Variants in TNIK observed in about 807,000 individuals in gnomAD.
TNIK encodes TRAF2 and NCK-interacting protein kinase.
A neutral mutation model predicts 191.3 loss-of-function variants in TNIK; 49 were observed. That is an observed-to-expected ratio of 0.26 (90% CI 0.20 to 0.32). The LOEUF (loss-of-function observed/expected upper bound fraction) is 0.32, where lower values mean the gene tolerates loss of function less well. TNIK is among the 10% of genes least tolerant of loss of function. The probability of loss-of-function intolerance (pLI) is 1.00; values close to 1 mark genes in which losing one functional copy is unlikely to be tolerated. For synonymous variants in TNIK, 594 were observed against 600.9 expected (o/e 0.99, Z 0.17); for missense variants, 1,155 against 1,702.3 (o/e 0.68, Z 5.66).
At chr3:171,258,780 T>G (rs1056947244) in intron 2 of TNIK, among the ~76,000 whole-genome samples, 1 of 152,156 alleles carries the variant, frequency 6.6e-6, no homozygotes, top group East Asian at 1.9e-4. Context: ...TCTAAGAAAC[T>G]CTGGAAGTGG....
At chr3:171,376,231 A>G (rs116409831) in intron 1 of TNIK, among the ~76,000 whole-genome samples, 1 of 152,302 alleles carries the variant, frequency 6.6e-6, no homozygotes, top group East Asian at 1.9e-4. Flanking sequence ...TTTCAACATC[A>G]TCTTCGAAAG....
chr3:171,157,207 A>G (rs1025810570), intron 12 of TNIK, among the ~76,000 whole-genome samples: 3 of 152,198 alleles, frequency 2.0e-5, no homozygotes, highest in African/African-American at 7.2e-5. Context: ...AGGTGCTGAG[A>G]AGGTGATATA....
intron 1 of TNIK, among the ~76,000 whole-genome samples, chr3:171,414,013 C>A (rs1357029379): frequency 6.6e-6 from 1 of 152,190 alleles, no homozygotes; most frequent in Non-Finnish European, 1.5e-5. Flanking sequence ...TCCCCCACAG[C>A]ACCAGCTATC....
At chr3:171,152,776 GTTTTTTT>G (rs11346783) in intron 12 of TNIK, among the ~76,000 whole-genome samples, 5 of 139,812 alleles carry the variant, frequency 3.6e-5, no homozygotes, top group Non-Finnish European at 7.8e-5. Flanking sequence ...TTTGTTTTTT[GTTTTTTT>G]TTTTTTGAGA....
chr3:171,212,684 CCT>C (rs1740982269), intron 3 of TNIK, among the ~76,000 whole-genome samples: 1 of 152,106 alleles, frequency 6.6e-6, no homozygotes, highest in Non-Finnish European at 1.5e-5. Flanking sequence ...AGGAATCCTC[CCT>C]GTTTTGTTCT....
chr3:171,074,394 C>G (rs1216067720), intron 28 of TNIK, among the ~76,000 whole-genome samples: 1 of 152,042 alleles, frequency 6.6e-6, no homozygotes, highest in Non-Finnish European at 1.5e-5. Context: ...TGAAAATTTA[C>G]CTGTTGCGTA....
intron 32 of TNIK, among the ~76,000 whole-genome samples, chr3:171,064,596 C>G (rs1039065550): frequency 6.6e-6 from 1 of 152,164 alleles, no homozygotes; most frequent in Non-Finnish European, 1.5e-5. Context: ...CAAATGAGAT[C>G]ATAGCATTAA....
chr3:171,412,065 C>A (rs970257180), intron 1 of TNIK, among the ~76,000 whole-genome samples: 1 of 152,190 alleles, frequency 6.6e-6, no homozygotes, highest in Non-Finnish European at 1.5e-5. Flanking sequence ...TTCAAACCAT[C>A]CTACTTGAGT....
chr3:171,117,927 G>A (rs1236650603), intron 18 of TNIK, among the ~76,000 whole-genome samples: 5 of 151,982 alleles, frequency 3.3e-5, no homozygotes, highest in Admixed American at 6.6e-5. Context: ...CCACGATCGC[G>A]CCACTGCACT....
chr3:171,234,131 A>G (rs1743987657), intron 2 of TNIK, among the ~76,000 whole-genome samples: 1 of 152,326 alleles, frequency 6.6e-6, no homozygotes, highest in South Asian at 2.1e-4. Context: ...GTTAGTTAAT[A>G]TCTATCTGGA....
At chr3:171,398,246 C>A (rs1358127393) in intron 1 of TNIK, among the ~76,000 whole-genome samples, 2 of 152,202 alleles carry the variant, frequency 1.3e-5, no homozygotes, top group African/African-American at 4.8e-5. Context: ...ACAGACTTCA[C>A]AACTGCAAGT....
At chr3:171,414,734 T>C (rs924980319) in intron 1 of TNIK, among the ~76,000 whole-genome samples, 2 of 152,232 alleles carry the variant, frequency 1.3e-5, no homozygotes, top group African/African-American at 2.4e-5. Flanking sequence ...AGCTGGAAAG[T>C]GTGTAACCCA....
intron 1 of TNIK, among the ~76,000 whole-genome samples, chr3:171,442,242 T>C (rs758097139): frequency 4.1e-4 from 63 of 152,218 alleles, no homozygotes; most frequent in Non-Finnish European, 7.6e-4. Context: ...TTTTTAAATC[T>C]GATGCAACTT....
intron 22 of TNIK, among the ~76,000 whole-genome samples, chr3:171,095,559 A>G (rs1722604561): frequency 6.6e-6 from 1 of 152,134 alleles, no homozygotes. Context: ...TTTCTTATAT[A>G]TTTAAAAATA....
At chr3:171,363,440 C>G (rs1364256666) in intron 2 of TNIK, among the ~76,000 whole-genome samples, 2 of 152,186 alleles carry the variant, frequency 1.3e-5, no homozygotes, top group Non-Finnish European at 2.9e-5. Flanking sequence ...ATACAAAGCA[C>G]AGGGCTTTTT....
At chr3:171,161,762 C>CA (rs1191647903) in intron 10 of TNIK, among the ~76,000 whole-genome samples, 2 of 150,828 alleles carry the variant, frequency 1.3e-5, no homozygotes, top group African/African-American at 2.4e-5. Flanking sequence ...ACTAAAAATA[C>CA]AAAAAAAATT....
intron 2 of TNIK, among the ~76,000 whole-genome samples, chr3:171,313,047 A>T (rs1036506737): frequency 7.9e-5 from 12 of 152,132 alleles, no homozygotes; most frequent in African/African-American, 2.2e-4. Context: ...CAGGGGAATC[A>T]CTTTGCAGTC....
rs1314703518 is a variant in TNIK at position 171,128,710 on chromosome 3, G to T, written c.1773+4C>A. On this transcript the variant is annotated splice_donor_region_variant and intron_variant, in intron 16 of 32. Transcript: ENST00000436636. The stretch of plus-strand genomic sequence containing the variant: ...ATGCCTGATGGAATGGAGGCAGACT[G>T]TACCTGGGGATCGACTGGTCTGAGC... 7 of 1,609,632 alleles carry T rather than the reference G, an allele frequency of 4.3e-6. No individual in the cohort carries two copies. Among genetic ancestry groups the T allele is most frequent in the Non-Finnish European group, 5.9e-6 (7 of 1,178,126 alleles).
At chr3:171,093,774 A>C (rs1437122059) in intron 23 of TNIK, 65 bp downstream of exon 23, 1 of 1,591,084 alleles carries the variant, frequency 6.3e-7, no homozygotes, top group African/African-American at 1.3e-5. Flanking sequence ...TTCTCTGTGA[A>C]AGCTTTAATG....
Sources: allele counts gnomAD v4.1 joint callset (sites outside exome capture counted in the v4.1 genomes callset), GRCh38; gene constraint gnomAD v4.1.1; transcripts MANE v1.5; gene names NCBI Gene and HGNC (gene_info 2026-07-23, HGNC 2026-07-21).